SLC44A1: variants seen among roughly 807,000 people sequenced by gnomAD.
SLC44A1 encodes the protein solute carrier family 44 member 1, also known as choline transporter-like protein 1.
Under a neutral mutation model 79.3 loss-of-function variants are expected in SLC44A1, and 26 were observed. The observed-to-expected ratio is 0.33, with a 90% CI of 0.24 to 0.46. The LOEUF is 0.46. Ranked by LOEUF, SLC44A1 falls within the 20% of genes least tolerant of loss-of-function variation. The probability of loss-of-function intolerance (pLI) is 1.00; values close to 1 mark genes in which losing one functional copy is unlikely to be tolerated. For missense variants in SLC44A1, 688 were observed against 798.1 expected, an observed-to-expected ratio of 0.86 and a Z score of 1.66; for synonymous variants, 263 against 286.2, an observed-to-expected ratio of 0.92 and a Z score of 0.82.
At chr9:105,348,639 G>A (rs1827312747) in intron 5 of SLC44A1, among the ~76,000 whole-genome samples, 188 bp downstream of exon 5, 4 of 151,890 alleles carry the variant, frequency 2.6e-5, no homozygotes, top group Admixed American at 6.6e-5. Flanking sequence ...CAACACATAG[G>A]CAACCAACTT....
intron 4 of SLC44A1, among the ~76,000 whole-genome samples, chr9:105,339,682 C>G (rs1450448009): frequency 5.3e-5 from 8 of 151,680 alleles, no homozygotes; most frequent in Admixed American, 5.3e-4. Context: ...GTAAAATTAC[C>G]CAGGCATGGT....
At chr9:105,255,823 A>G (rs1829690855) in intron 1 of SLC44A1, among the ~76,000 whole-genome samples, 1 of 152,188 alleles carries the variant, frequency 6.6e-6, no homozygotes, top group Admixed American at 6.5e-5. Context: ...CCTGAGTTTC[A>G]CCAGCTATAA....
intron 12 of SLC44A1, among the ~76,000 whole-genome samples, chr9:105,373,880 C>T (rs1828193855): frequency 6.6e-6 from 1 of 152,180 alleles, no homozygotes; most frequent in South Asian, 2.1e-4. Flanking sequence ...CTTTCATTGG[C>T]TCTGATTGGT....
chr9:105,352,485 A>G (rs1034393494), intron 5 of SLC44A1, among the ~76,000 whole-genome samples: 76 of 152,312 alleles, frequency 5.0e-4, no homozygotes, highest in African/African-American at 1.8e-3. Context: ...CTAATTAAAA[A>G]TTTTTAAAAG....
intron 1 of SLC44A1, among the ~76,000 whole-genome samples, chr9:105,287,542 A>G (rs1242134453): frequency 1.3e-5 from 2 of 152,190 alleles, no homozygotes; most frequent in Admixed American, 6.5e-5. Context: ...TTAATGCTTC[A>G]TAGGGAAGAT....
intron 6 of SLC44A1, 40 bp downstream of exon 6, chr9:105,356,421 CAGA>C (rs773791771): frequency 7.3e-7 from 1 of 1,377,010 alleles, no homozygotes. Context: ...CATAGTATTG[CAGA>C]AGAAGACTGT....
At chr9:105,244,994 T>G in intron 1 of SLC44A1, 90 bp downstream of exon 1, 1 of 396,704 alleles carries the variant, frequency 2.5e-6, no homozygotes, top group East Asian at 1.3e-4. Flanking sequence ...TACCTCTCGC[T>G]GTCCCCAGCC....
chr9:105,280,006 A>C (rs1024695246), intron 1 of SLC44A1, among the ~76,000 whole-genome samples: 19 of 152,352 alleles, frequency 1.2e-4, no homozygotes, highest in African/African-American at 3.4e-4. Flanking sequence ...TGAAATGAAG[A>C]AAACTATAAA....
intron 15 of SLC44A1, among the ~76,000 whole-genome samples, chr9:105,414,492 T>C (rs1326004666): frequency 6.6e-6 from 1 of 152,242 alleles, no homozygotes; most frequent in Non-Finnish European, 1.5e-5. Context: ...ATTTTTGTTG[T>C]AATTTATTTG....
At chr9:105,400,487 C>CAAAAAA (rs67752609), downstream of SLC44A1, among the ~76,000 whole-genome samples, 18,570 of 148,618 alleles carry the variant, frequency 0.12, 1,468 homozygotes, top group South Asian at 0.23. Context: ...GACGCCATCT[C>CAAAAAA]AAAAAAAGAA....
At chr9:105,373,964 C>T (rs1414177552) in intron 12 of SLC44A1, among the ~76,000 whole-genome samples, 1 of 152,118 alleles carries the variant, frequency 6.6e-6, no homozygotes, top group Non-Finnish European at 1.5e-5. Context: ...CAATCAAGAC[C>T]CATCCCCAGA....
chr9:105,354,039 C>CTTTTTTTTTTTTTTTTTTTTT (rs556502972), intron 5 of SLC44A1, among the ~76,000 whole-genome samples: 2 of 98,484 alleles, frequency 2.0e-5, no homozygotes, highest in Admixed American at 1.0e-4. Flanking sequence ...ACAGTTAATC[C>CTTTTTTTTTTTTTTTTTTTTT]TTTTTTTTTT....
At chr9:105,422,367 C>T (rs1420651957) in intron 15 of SLC44A1, among the ~76,000 whole-genome samples, 4 of 147,264 alleles carry the variant, frequency 2.7e-5, no homozygotes, top group Non-Finnish European at 5.9e-5. Context: ...CGGCTCACTG[C>T]AACCTCTGCA....
rs1828750055 is a variant in SLC44A1, at chr9:105,390,950, T to G, written c.*1894T>G. 8 of 981,374 alleles carry G rather than the reference T, an allele frequency of 8.2e-6. No individual in the cohort carries two copies. The highest frequency in any genetic ancestry group is 9.7e-6 in the Non-Finnish European group (8 of 825,900). 60.8% of individuals were successfully genotyped at this position (981,374 alleles called of 1,614,324 possible). A position where few individuals can be genotyped will look rare whatever the true frequency, so the allele number is the denominator to read the frequency against. On this transcript the variant is annotated 3_prime_UTR_variant, in exon 16 of 16. Coordinates refer to ENST00000374720, the MANE Select transcript of SLC44A1 (RefSeq NM_080546.5). ...TTTATTCATTTGAAATGAATATAAT[T>G]ATATAACTAACAATTGTCCAAATAG... is the stretch of plus-strand genomic sequence containing the variant.
chr9:105,298,992 C>T (rs1771910125), intron 1 of SLC44A1, among the ~76,000 whole-genome samples: 1 of 152,102 alleles, frequency 6.6e-6, no homozygotes, highest in Non-Finnish European at 1.5e-5. Context: ...GAACTCAGTA[C>T]CGGGCCTGGC....
intron 3 of SLC44A1, among the ~76,000 whole-genome samples, chr9:105,326,697 T>C (rs1202832053): frequency 6.6e-6 from 1 of 152,248 alleles, no homozygotes; most frequent in East Asian, 1.9e-4. Flanking sequence ...ATTTTGCTTA[T>C]GATTTCTGGA....
chr9:105,415,979 G>C (rs1829165766), intron 15 of SLC44A1, among the ~76,000 whole-genome samples: 1 of 144,592 alleles, frequency 6.9e-6, no homozygotes, highest in South Asian at 2.2e-4. Flanking sequence ...TCGGCTCGCT[G>C]CAACCTCCAC....
In SLC44A1 at chr9:105,372,965, A is replaced by AG. The variant is rs1430930940; in HGVS notation, c.1495-1632dup. Reference sequence around the variant, plus strand: ...ACTCCGTCTCAAAAAAAAAAAAAAAAGAACCACAGGTAGTGACCTGCTCAG... The same window carrying AG: ...ACTCCGTCTCAAAAAAAAAAAAAAAAGGAACCACAGGTAGTGACCTGCTCAG... On this transcript the variant is annotated intron_variant, in intron 12 of 15. Coordinates refer to ENST00000374720, the MANE Select transcript of SLC44A1 (RefSeq NM_080546.5). Among the ~76,000 whole-genome samples, 8 of 150,360 alleles carry AG rather than the reference A, an allele frequency of 5.3e-5. No homozygotes were observed. In the East Asian group the frequency reaches 1.4e-3, roughly 26 times the overall value.
chr9:105,280,871 G>C (rs73510277), intron 1 of SLC44A1, among the ~76,000 whole-genome samples: 29 of 152,344 alleles, frequency 1.9e-4, no homozygotes, highest in African/African-American at 6.5e-4. Context: ...TCCATGAGCA[G>C]AAGTTAGGAA....
Sources: allele counts gnomAD v4.1 joint callset (sites outside exome capture counted in the v4.1 genomes callset), GRCh38; gene constraint gnomAD v4.1.1; transcripts MANE v1.5; gene names NCBI Gene and HGNC (gene_info 2026-07-23, HGNC 2026-07-21).